GSG1L: variants seen among roughly 807,000 people sequenced by gnomAD.
GSG1L encodes GSG1 like.
In GSG1L, 24 loss-of-function variants were observed where a neutral mutation model predicts 42.1. The ratio of observed to expected loss-of-function variants is 0.57; its 90% CI spans 0.41 to 0.80. The LOEUF (loss-of-function observed/expected upper bound fraction) is 0.80. GSG1L is among the 30% of genes least tolerant of loss of function. The pLI, the probability that GSG1L is intolerant of heterozygous loss-of-function variation, is 0.00. For missense variants in GSG1L, 445 were observed against 472.2 expected (o/e 0.94, Z 0.53); for synonymous variants, 215 against 203.5 (o/e 1.06, Z -0.48).
In GSG1L at chr16:28,059,642, T is replaced by G. The variant is rs186071092; in HGVS notation, c.349+3434A>C. Among the ~76,000 whole-genome samples, 16 of 151,884 alleles carry G rather than the reference T, an allele frequency of 1.1e-4. No homozygotes were observed. Among genetic ancestry groups the G allele is most frequent in the African/African-American group, 3.1e-4 (13 of 41,384 alleles). On this transcript the variant is annotated intron_variant, in intron 1 of 6. Transcript: ENST00000447459. The surrounding 1 kb of genome is among the most constrained non-coding windows in gnomAD (Gnocchi z 4.4). ...CCTTCATTCTCCCCTCCTCCAGGCC[T>G]CTCCTCAGCCACCCCCACCACACTG... is the stretch of plus-strand genomic sequence containing the variant.
intron 3 of GSG1L, among the ~76,000 whole-genome samples, chr16:27,864,826 G>A (rs1158842094): frequency 6.6e-6 from 1 of 152,172 alleles, no homozygotes; most frequent in East Asian, 1.9e-4. Context: ...CCTCTCTGCT[G>A]GCTGCATTCT....
At chr16:27,987,773 C>T (rs1017975216) in intron 1 of GSG1L, among the ~76,000 whole-genome samples, 2 of 151,950 alleles carry the variant, frequency 1.3e-5, no homozygotes, top group African/African-American at 4.8e-5. Flanking sequence ...ATGGTGAAAC[C>T]CCGTCTCTAC....
intron 2 of GSG1L, among the ~76,000 whole-genome samples, chr16:27,912,788 A>G (rs1781689164): frequency 6.6e-6 from 1 of 152,182 alleles, no homozygotes; most frequent in African/African-American, 2.4e-5. Context: ...ACCATAATAC[A>G]GGTTCAACAA....
intron 1 of GSG1L, among the ~76,000 whole-genome samples, chr16:28,010,395 G>A (rs2085702959): frequency 6.6e-6 from 1 of 152,174 alleles, no homozygotes; most frequent in Admixed American, 6.5e-5. Context: ...TGCACTGTGG[G>A]GGGATTTTGC....
chr16:27,814,390 G>T (rs2083069407), intron 5 of GSG1L, among the ~76,000 whole-genome samples: 1 of 152,158 alleles, frequency 6.6e-6, no homozygotes, highest in African/African-American at 2.4e-5. Flanking sequence ...GGGATTACAG[G>T]CGTGAGCCAC....
Position 27,884,680 on chromosome 16 carries a change from C to T in GSG1L, c.398-42G>A. On this transcript the variant is annotated intron_variant, in intron 2 of 6. Coordinates refer to ENST00000447459, the MANE Select transcript of GSG1L (RefSeq NM_001109763.2). The surrounding 1 kb of genome is among the most constrained non-coding windows in gnomAD (Gnocchi z 4.4). ...GAGAGGCCGTGAGATGAGGGGCCAC[C>T]CAAGATAGACTCACCCTGTGCCTAT... is the stretch of plus-strand genomic sequence containing the variant. 4 of 1,540,106 alleles carry T rather than the reference C, an allele frequency of 2.6e-6. No homozygotes were observed. The highest frequency in any genetic ancestry group is 3.5e-6 in the Non-Finnish European group (4 of 1,138,548).
chr16:27,942,492 C>T (rs1318881533), intron 2 of GSG1L, among the ~76,000 whole-genome samples: 1 of 142,574 alleles, frequency 7.0e-6, no homozygotes, highest in Non-Finnish European at 1.5e-5. Context: ...AAAGGCAAGC[C>T]ACAGAGTGGG....
At chr16:27,819,824 G>T (rs192877898) in intron 5 of GSG1L, among the ~76,000 whole-genome samples, 2 of 152,186 alleles carry the variant, frequency 1.3e-5, no homozygotes, top group East Asian at 3.9e-4. Context: ...GCATATTGAG[G>T]AGGCATTGCA....
At chr16:28,012,815 T>G (rs960876010) in intron 1 of GSG1L, among the ~76,000 whole-genome samples, 5 of 150,854 alleles carry the variant, frequency 3.3e-5, no homozygotes, top group Non-Finnish European at 7.4e-5. Context: ...GAGGATCACT[T>G]GAGCCCAAGA....
At chr16:27,917,439 G>C (rs2084471181) in intron 2 of GSG1L, among the ~76,000 whole-genome samples, 1 of 152,120 alleles carries the variant, frequency 6.6e-6, no homozygotes, top group African/African-American at 2.4e-5. Flanking sequence ...AACAATGACA[G>C]GAATGTAGCT....
intron 4 of GSG1L, among the ~76,000 whole-genome samples, chr16:27,830,915 C>A (rs1313969435): frequency 6.6e-6 from 1 of 152,248 alleles, no homozygotes; most frequent in Non-Finnish European, 1.5e-5. Context: ...CTTTTGGTAA[C>A]CACACTCCAA....
chr16:27,905,319 C>CTTTTTT (rs539377057), intron 2 of GSG1L, among the ~76,000 whole-genome samples: 1 of 132,604 alleles, frequency 7.5e-6, no homozygotes. Context: ...ATGCCAGAAT[C>CTTTTTT]TTTTTTTTTT....
At chr16:27,895,582 T>G (rs2084182129) in intron 2 of GSG1L, among the ~76,000 whole-genome samples, 1 of 151,814 alleles carries the variant, frequency 6.6e-6, no homozygotes, top group African/African-American at 2.4e-5. Flanking sequence ...ATTTTCAGAG[T>G]TAGAGGAAAA....
chr16:28,038,614 C>G (rs142625945), intron 1 of GSG1L, among the ~76,000 whole-genome samples: 2 of 152,148 alleles, frequency 1.3e-5, no homozygotes, highest in South Asian at 4.1e-4. Flanking sequence ...ACCCTGAGCC[C>G]GAACAAAACA....
chr16:27,849,686 C>T (rs939061106), intron 3 of GSG1L, among the ~76,000 whole-genome samples: 1 of 151,972 alleles, frequency 6.6e-6, no homozygotes, highest in African/African-American at 2.4e-5. Context: ...CCACACTTGG[C>T]TATTGTATTT....
chr16:27,979,767 AAG>A, intron 1 of GSG1L, among the ~76,000 whole-genome samples: 2 of 142,894 alleles, frequency 1.4e-5, no homozygotes, highest in Admixed American at 7.0e-5. Flanking sequence ...AGAAAGAAAG[AAG>A]GAAAGAAAGA....
intron 1 of GSG1L, among the ~76,000 whole-genome samples, chr16:28,015,292 C>T (rs1018401772): frequency 1.5e-4 from 23 of 152,170 alleles, no homozygotes; most frequent in African/African-American, 4.6e-4. Flanking sequence ...TCGCTTGACG[C>T]CAGGAGTTTG....
intron 6 of GSG1L, among the ~76,000 whole-genome samples, chr16:27,795,372 C>T (rs570160149): frequency 6.7e-4 from 102 of 152,310 alleles, no homozygotes; most frequent in Non-Finnish European, 1.3e-3. Flanking sequence ...TTCGGTCTAA[C>T]AGCCAAAGGT....
chr16:27,790,905 A>C lies in GSG1L; in HGVS notation c.*465T>G, dbSNP rs1483192804. On this transcript the variant is annotated 3_prime_UTR_variant, in exon 7 of 7. Transcript: ENST00000447459. ...TACACCGCAAGAAAACAAGTTCAACAAGCATTTATTGAGCCCCTGCTGTGT... is the reference window on the plus strand; with the variant it reads ...TACACCGCAAGAAAACAAGTTCAACCAGCATTTATTGAGCCCCTGCTGTGT... 1 of 154,414 alleles carries C rather than the reference A, an allele frequency of 6.5e-6. No homozygotes were observed. Among genetic ancestry groups the C allele is most frequent in the Non-Finnish European group, 1.4e-5 (1 of 69,626 alleles). 9.6% of individuals were successfully genotyped at this position (154,414 alleles called of 1,614,324 possible). A position where few individuals can be genotyped will look rare whatever the true frequency, so the allele number is the denominator to read the frequency against.
Sources: gnomAD v4.1 joint callset for allele counts (sites outside exome capture counted in the v4.1 genomes callset) on GRCh38, gnomAD v4.1.1 for gene constraint, Gnocchi (gnomAD v3.1) non-coding constraint, MANE v1.5 for transcripts, NCBI Gene and HGNC (gene_info 2026-07-23, HGNC 2026-07-21) for gene names.